The following WDR19 variants were observed in gnomAD, a reference collection of about 807,000 sequenced individuals.
The protein encoded by WDR19 is WD repeat domain 19, also known as WD repeat-containing protein 19.
Under a neutral mutation model 180.0 loss-of-function variants are expected in WDR19, and 121 were observed. That is an observed-to-expected ratio of 0.67 (90% CI 0.58 to 0.78). The LOEUF is 0.78. WDR19 is among the 30% of genes least tolerant of loss of function. The pLI is 0.00. For synonymous variants in WDR19, 497 were observed against 540.7 expected (o/e 0.92, Z 1.12); for missense variants, 1,450 against 1,640.7 (o/e 0.88, Z 2.01).
Position 39,218,376 on chromosome 4 carries a change from T to C in WDR19, c.1479+271T>C, listed in dbSNP as rs573080082. On this transcript the variant is annotated intron_variant, in intron 14 of 36. Coordinates refer to ENST00000399820, the MANE Select transcript of WDR19 (RefSeq NM_025132.4). ...GGTACAGCCCACTGCACACCTAGCC[T>C]GTGTGGTAGAGCCTATTGCTCCTAG... 1.1e-4 allele frequency: 47 copies of C among 438,656 alleles called. No homozygotes were observed. The East Asian group carries it at 1.8e-3, about 17-fold the overall frequency. 27.2% of individuals were successfully genotyped at this position (438,656 alleles called of 1,614,324 possible). A position where few individuals can be genotyped will look rare whatever the true frequency, so the allele number is the denominator to read the frequency against.
intron 33 of WDR19, among the ~76,000 whole-genome samples, chr4:39,275,879 T>C (rs1057217053): frequency 6.6e-6 from 1 of 152,182 alleles, no homozygotes; most frequent in Non-Finnish European, 1.5e-5. Flanking sequence ...AGCAGAGAGC[T>C]CATTTCCAAA....
At position 39,203,560 on chromosome 4, in the gene WDR19, A is replaced by G; in HGVS notation, c.523-82A>G. On this transcript the variant is annotated intron_variant, in intron 6 of 36. Transcript: ENST00000399820. ...TAGTCCAACATTAGTCAGGAATGAAAACAAGTTATCCATTCTATTAATATT... is the reference window on the plus strand; with the variant it reads ...TAGTCCAACATTAGTCAGGAATGAAGACAAGTTATCCATTCTATTAATATT... The G allele has an allele frequency of 2.5e-6, 3 of 1,196,316 alleles. No individual in the cohort carries two copies. In the South Asian group the frequency reaches 4.1e-5, roughly 16 times the overall value. The allele number at this position is 1,196,316 out of a possible 1,614,324, so 74.1% of individuals were successfully genotyped here. A position where few individuals can be genotyped will look rare whatever the true frequency, so the allele number is the denominator to read the frequency against.
At chr4:39,198,259 T>C (rs1726978450) in intron 5 of WDR19, among the ~76,000 whole-genome samples, 1 of 152,220 alleles carries the variant, frequency 6.6e-6, no homozygotes, top group African/African-American at 2.4e-5. Context: ...TGGAATTTAC[T>C]TCTCTTAAGA....
chr4:39,274,696 A>G, intron 32 of WDR19, 112 bp from the exon 33 acceptor site: 2 of 1,320,266 alleles, frequency 1.5e-6, no homozygotes, highest in South Asian at 1.4e-5. Flanking sequence ...CAGAAAAAGC[A>G]AAGTTCAGAG....
chr4:39,273,838 C>A (rs1578050549), intron 32 of WDR19: 1 of 152,186 alleles, frequency 6.6e-6, no homozygotes, highest in South Asian at 2.1e-4. Flanking sequence ...TCTGAAAAGG[C>A]CTCACTATTC....
intron 5 of WDR19, among the ~76,000 whole-genome samples, chr4:39,198,855 T>G (rs1290436219): frequency 6.6e-6 from 1 of 151,536 alleles, no homozygotes; most frequent in African/African-American, 2.4e-5. Flanking sequence ...TAAAAATTAG[T>G]TGGGTGTGGT....
chr4:39,275,017 T>G, intron 33 of WDR19, 59 bp downstream of exon 33: 1 of 1,585,940 alleles, frequency 6.3e-7, no homozygotes, highest in African/African-American at 1.3e-5. Context: ...TTTCCAAAAA[T>G]GTAGCTGCCA....
intron 36 of WDR19, among the ~76,000 whole-genome samples, chr4:39,280,766 C>A (rs1042033077): frequency 1.3e-5 from 2 of 152,274 alleles, no homozygotes; most frequent in Non-Finnish European, 2.9e-5. Flanking sequence ...CCAGCCTGGG[C>A]AACATAGCGA....
At chr4:39,251,015 G>T (rs986887764) in intron 24 of WDR19, among the ~76,000 whole-genome samples, 2 of 151,962 alleles carry the variant, frequency 1.3e-5, no homozygotes, top group African/African-American at 2.4e-5. Context: ...CTACTTTAAA[G>T]TTCATATGGA....
At chr4:39,187,237 G>C (rs550316581) in intron 3 of WDR19, among the ~76,000 whole-genome samples, 1 of 151,904 alleles carries the variant, frequency 6.6e-6, no homozygotes, top group Non-Finnish European at 1.5e-5. Context: ...TGGCTAACAC[G>C]GTCAAACCTC....
intron 3 of WDR19, 55 bp from the exon 4 acceptor site, chr4:39,189,601 T>C (rs947991588): frequency 2.9e-5 from 41 of 1,437,156 alleles, no homozygotes; most frequent in Non-Finnish European, 3.6e-5. Context: ...AAATCACAAA[T>C]AGTAATTTTA....
intron 34 of WDR19, 164 bp downstream of exon 34, chr4:39,277,307 T>C: frequency 1.2e-6 from 1 of 817,746 alleles, no homozygotes; most frequent in South Asian, 1.9e-5. Context: ...TTAAAGGTGA[T>C]ATTCAAAGCA....
intron 15 of WDR19, among the ~76,000 whole-genome samples, chr4:39,225,754 A>T (rs1391005792): frequency 6.6e-6 from 1 of 151,848 alleles, no homozygotes; most frequent in Non-Finnish European, 1.5e-5. Context: ...GCTACACTTC[A>T]CTTGATACAA....
intron 26 of WDR19, among the ~76,000 whole-genome samples, chr4:39,254,594 CATA>C (rs1303902924): frequency 6.6e-6 from 1 of 152,072 alleles, no homozygotes; most frequent in African/African-American, 2.4e-5. Flanking sequence ...ATGGACCATA[CATA>C]ATGTTATTTG....
rs946995271 is a variant in WDR19 at position 39,283,265 on chromosome 4, A to G, written c.*14-2222A>G. On this transcript the variant is annotated intron_variant, in intron 36 of 36. Transcript: ENST00000399820. ...ATATTGATTTTCAATGTTAAAGCCA[A>G]CTTTTACTCTGGAGATAAACTCACT... 3.2e-4 allele frequency among the ~76,000 whole-genome samples: 49 copies of G among 152,180 alleles called. 1 individual carries two copies. The highest frequency in any genetic ancestry group is 6.5e-5 in the Admixed American group (1 of 15,278).
chr4:39,222,863 A>G (rs997336223), intron 14 of WDR19, among the ~76,000 whole-genome samples: 1 of 152,214 alleles, frequency 6.6e-6, no homozygotes, highest in Non-Finnish European at 1.5e-5. Flanking sequence ...CAGTCAACAT[A>G]CAGAACAATT....
intron 7 of WDR19, among the ~76,000 whole-genome samples, chr4:39,203,972 A>G (rs1179262523): frequency 6.6e-6 from 1 of 152,222 alleles, no homozygotes; most frequent in African/African-American, 2.4e-5. Flanking sequence ...TGTGATAGCA[A>G]AAACATTAGG....
intron 14 of WDR19, among the ~76,000 whole-genome samples, chr4:39,220,078 G>A (rs369213749): frequency 7.6e-4 from 115 of 151,924 alleles, no homozygotes; most frequent in African/African-American, 2.6e-3. Context: ...AAAAATAGCC[G>A]GGCGTGGTCA....
intron 4 of WDR19, among the ~76,000 whole-genome samples, chr4:39,191,216 T>C (rs2109254863): frequency 6.6e-6 from 1 of 152,360 alleles, no homozygotes; most frequent in East Asian, 1.9e-4. Context: ...ACCCACTGTT[T>C]GTTCTTTATT....
Sources: gnomAD v4.1 joint callset for allele counts (sites outside exome capture counted in the v4.1 genomes callset) on GRCh38, gnomAD v4.1.1 for gene constraint, MANE v1.5 for transcripts, NCBI Gene and HGNC (gene_info 2026-07-23, HGNC 2026-07-21) for gene names.